The following ATRNL1 variants were observed in gnomAD, a reference collection of about 807,000 sequenced individuals.
ATRNL1 encodes attractin-like protein 1.
In ATRNL1, 95 loss-of-function variants were observed where a neutral mutation model predicts 182.7. The observed-to-expected ratio is 0.52, with a 90% CI of 0.44 to 0.62. The LOEUF is 0.62. Ranked by LOEUF, ATRNL1 falls within the 20% of genes least tolerant of loss-of-function variation. The pLI is 0.00. For missense variants in ATRNL1, 1,471 were observed against 1,679.5 expected, an observed-to-expected ratio of 0.88 and a Z score of 2.17; for synonymous variants, 576 against 568.3, an observed-to-expected ratio of 1.01 and a Z score of -0.19.
chr10:115,575,714 A>G (rs1423221854), intron 26 of ATRNL1, among the ~76,000 whole-genome samples: 2 of 152,070 alleles, frequency 1.3e-5, no homozygotes, highest in Non-Finnish European at 2.9e-5. Flanking sequence ...TACATAGTGA[A>G]ATGATTATTA....
intron 27 of ATRNL1, among the ~76,000 whole-genome samples, chr10:115,749,679 A>T (rs996300455): frequency 6.6e-6 from 1 of 151,900 alleles, no homozygotes; most frequent in East Asian, 1.9e-4. Context: ...ATTATTTGCC[A>T]GGTTTAGACC....
At chr10:115,272,386 A>G (rs73363450) in intron 13 of ATRNL1, among the ~76,000 whole-genome samples, 1,907 of 152,280 alleles carry the variant, frequency 0.013, 35 homozygotes, top group African/African-American at 0.043. Flanking sequence ...TGAGCACAGT[A>G]ACTCTTCTTT....
intron 28 of ATRNL1, among the ~76,000 whole-genome samples, chr10:115,868,891 G>C (rs4430418): frequency 1.4e-5 from 2 of 138,900 alleles, no homozygotes; most frequent in Non-Finnish European, 3.1e-5. Flanking sequence ...GTGCAGTGGC[G>C]CGATCTCGGC....
intron 25 of ATRNL1, among the ~76,000 whole-genome samples, chr10:115,537,308 A>G (rs1554990774): frequency 3.3e-5 from 5 of 152,180 alleles, no homozygotes; most frequent in African/African-American, 1.2e-4. Flanking sequence ...TCACACTTTG[A>G]CTTAAATATT....
intron 8 of ATRNL1, among the ~76,000 whole-genome samples, chr10:115,183,223 C>T (rs1847814105): frequency 6.6e-6 from 1 of 151,162 alleles, no homozygotes; most frequent in African/African-American, 2.4e-5. Context: ...ACATTTAGAG[C>T]AGTTATCAGA....
intron 21 of ATRNL1, among the ~76,000 whole-genome samples, chr10:115,458,971 T>C (rs1393568014): frequency 2.0e-5 from 3 of 152,276 alleles, no homozygotes; most frequent in African/African-American, 7.2e-5. Flanking sequence ...TTGTGAAGAT[T>C]TAATGGACAT....
intron 25 of ATRNL1, among the ~76,000 whole-genome samples, chr10:115,540,967 A>T (rs1852327688): frequency 6.6e-6 from 1 of 152,192 alleles, no homozygotes. Flanking sequence ...GGTAAAAACA[A>T]TGAAATATCT....
intron 24 of ATRNL1, among the ~76,000 whole-genome samples, chr10:115,498,924 T>C (rs1462946791): frequency 1.1e-4 from 16 of 152,030 alleles, no homozygotes; most frequent in African/African-American, 3.6e-4. Flanking sequence ...AATGATAAAG[T>C]CAATTTAGTG....
chr10:115,351,723 C>A (rs1554941388), intron 19 of ATRNL1, among the ~76,000 whole-genome samples: 1 of 83,672 alleles, frequency 1.2e-5, no homozygotes, highest in South Asian at 3.6e-4. Flanking sequence ...GTGATATTGG[C>A]CTGTAGTTTT....
At chr10:115,426,435 C>A in intron 21 of ATRNL1, 133 bp downstream of exon 21, 1 of 594,046 alleles carries the variant, frequency 1.7e-6, no homozygotes, top group Non-Finnish European at 2.9e-6. Context: ...TATAATACAA[C>A]TTTACGTATA....
intron 9 of ATRNL1, among the ~76,000 whole-genome samples, chr10:115,229,296 TA>T (rs749140911): frequency 1.3e-5 from 2 of 151,260 alleles, no homozygotes; most frequent in African/African-American, 2.5e-5. Context: ...GTTATGAAAT[TA>T]TTTTTTTTTG....
chr10:115,827,840 A>G (rs928556902), intron 27 of ATRNL1, among the ~76,000 whole-genome samples: 2 of 152,156 alleles, frequency 1.3e-5, no homozygotes, highest in Non-Finnish European at 2.9e-5. Flanking sequence ...AGTGGTCACA[A>G]TGAAATCATG....
chr10:115,572,819 C>T (rs907150039), intron 26 of ATRNL1, among the ~76,000 whole-genome samples: 1 of 152,084 alleles, frequency 6.6e-6, no homozygotes, highest in African/African-American at 2.4e-5. Flanking sequence ...GGAGAGTTCC[C>T]TGATTCCCCT....
intron 27 of ATRNL1, among the ~76,000 whole-genome samples, chr10:115,798,430 A>C (rs960326459): frequency 2.0e-5 from 3 of 152,158 alleles, no homozygotes; most frequent in Non-Finnish European, 4.4e-5. Flanking sequence ...GCTGGAGCTC[A>C]AGTCTCAAAC....
At chr10:115,649,754 A>G (rs782646122) in intron 26 of ATRNL1, among the ~76,000 whole-genome samples, 2 of 152,196 alleles carry the variant, frequency 1.3e-5, no homozygotes, top group Non-Finnish European at 1.5e-5. Context: ...TCCAAGTGTC[A>G]TAATAACTTC....
intron 8 of ATRNL1, among the ~76,000 whole-genome samples, chr10:115,191,194 T>A (rs1554889766): frequency 2.0e-5 from 3 of 152,146 alleles, no homozygotes; most frequent in Non-Finnish European, 1.5e-5. Context: ...CGCAGATATC[T>A]CTTTGATATA....
chr10:115,915,586 T>C (rs1467449008), intron 28 of ATRNL1, among the ~76,000 whole-genome samples: 2 of 152,144 alleles, frequency 1.3e-5, no homozygotes, highest in Non-Finnish European at 2.9e-5. Context: ...CATAAACTAA[T>C]GTATGTATAG....
chr10:115,716,467 G>A (rs78272692), intron 26 of ATRNL1, among the ~76,000 whole-genome samples: 4,075 of 152,124 alleles, frequency 0.027, 230 homozygotes, highest in African/African-American at 0.094. Context: ...TGTTCAACAC[G>A]AACTCCTTAT....
chr10:115,518,097 C>T (rs1850730752), intron 24 of ATRNL1, among the ~76,000 whole-genome samples: 1 of 151,878 alleles, frequency 6.6e-6, no homozygotes, highest in Non-Finnish European at 1.5e-5. Flanking sequence ...ATAAGAAATA[C>T]TGACATCCCT....
Sources: allele counts gnomAD v4.1 joint callset (sites outside exome capture counted in the v4.1 genomes callset), GRCh38; gene constraint gnomAD v4.1.1; transcripts MANE v1.5; gene names NCBI Gene and HGNC (gene_info 2026-07-23, HGNC 2026-07-21).